Variants in ARID1A observed in about 807,000 individuals in gnomAD.
ARID1A encodes the protein AT-rich interactive domain-containing protein 1A.
ARID1A carries 20 observed loss-of-function variants against 212.6 expected under a neutral mutation model. The observed-to-expected ratio is 0.09, with a 90% confidence interval of 0.07 to 0.14. ARID1A has a LOEUF of 0.14. ARID1A is among the 10% of genes least tolerant of loss of function. The pLI, the probability that ARID1A is intolerant of heterozygous loss-of-function variation, is 1.00. For synonymous variants in ARID1A, 1,376 were observed against 1,222.1 expected (o/e 1.13, Z -2.63); for missense variants, 2,587 against 3,059.0 (o/e 0.85, Z 3.64).
chr1:26,703,067 A>G (rs1418034622), intron 1 of ARID1A, among the ~76,000 whole-genome samples: 1 of 152,198 alleles, frequency 6.6e-6, no homozygotes, highest in Non-Finnish European at 1.5e-5. Context: ...GCTGGGGATT[A>G]TAAGTCCACT....
rs755440526 is a variant in ARID1A, at chr1:26,729,868, A to G, written c.1350+5A>G. ...GGCCTCTCTTATACACAGCAGGTAG[A>G]TGGTGATTGTGATTACCTTGACCCT... On this transcript the variant is annotated splice_donor_5th_base_variant and intron_variant, in intron 2 of 19. Transcript: ENST00000324856. 8 of 1,612,170 alleles carry G rather than the reference A, an allele frequency of 5.0e-6. No homozygotes were observed. Among genetic ancestry groups the G allele is most frequent in the South Asian group, 1.1e-5 (1 of 91,032 alleles).
At chr1:26,746,879 A>G (rs1222919941) in intron 4 of ARID1A, among the ~76,000 whole-genome samples, 1 of 152,126 alleles carries the variant, frequency 6.6e-6, no homozygotes, top group African/African-American at 2.4e-5. Flanking sequence ...TAAATAATAT[A>G]AAAATAAGCT....
intron 1 of ARID1A, among the ~76,000 whole-genome samples, chr1:26,708,849 C>T (rs929464652): frequency 4.6e-5 from 7 of 151,938 alleles, no homozygotes; most frequent in African/African-American, 1.7e-4. Context: ...TGCCCGCCAC[C>T]ACGCCCGGCT....
Position 26,771,067 on chromosome 1 carries a change from C to T in ARID1A, c.3199-52C>T, listed in dbSNP as rs2124096311. 6.4e-7 allele frequency: 1 copy of T among 1,557,524 alleles called. No individual in the cohort carries two copies. Among genetic ancestry groups the T allele is most frequent in the Non-Finnish European group, 8.9e-7 (1 of 1,129,500 alleles). On this transcript the variant is annotated intron_variant, in intron 11 of 19. Coordinates refer to ENST00000324856, the MANE Select transcript of ARID1A (RefSeq NM_006015.6). The surrounding 1 kb of genome is among the most constrained non-coding windows in gnomAD (Gnocchi z 5.4). Reference sequence around the variant, plus strand: ...CCTGATGGGGCTTGGGGCTTATGGGCAGGAAAACCAGGCGGGAGATATACC... The same window carrying T: ...CCTGATGGGGCTTGGGGCTTATGGGTAGGAAAACCAGGCGGGAGATATACC...
At chr1:26,725,988 G>A (rs2080613048) in intron 1 of ARID1A, among the ~76,000 whole-genome samples, 1 of 151,390 alleles carries the variant, frequency 6.6e-6, no homozygotes, top group East Asian at 1.9e-4. Flanking sequence ...CTGAGTAGCT[G>A]GGATTAACAG....
At chr1:26,716,551 C>A (rs990676904) in intron 1 of ARID1A, among the ~76,000 whole-genome samples, 3 of 152,060 alleles carry the variant, frequency 2.0e-5, no homozygotes, top group Non-Finnish European at 4.4e-5. Flanking sequence ...CCTCTAGGGT[C>A]AAGTTTTATA....
Position 26,696,660 on chromosome 1 carries a change from G to C in ARID1A, c.257G>C (p.Gly86Ala). The C allele has an allele frequency of 7.6e-7, 1 of 1,318,842 alleles. No individual in the cohort carries two copies. The highest frequency in any genetic ancestry group is 9.6e-7 in the Non-Finnish European group (1 of 1,037,258). 81.7% of individuals were successfully genotyped at this position (1,318,842 alleles called of 1,614,324 possible). A position where few individuals can be genotyped will look rare whatever the true frequency, so the allele number is the denominator to read the frequency against. Reference protein sequence around the residue: ...GAESNGGGGGGGAGSGGGPGA... With the variant: ...GAESNGGGGGAGAGSGGGPGA... Reference sequence around the variant, plus strand: ...GAGAGCAATGGGGGTGGCGGCGGCGGCGGAGCCGGCAGCGGCGGCGGGCCC... The same window carrying C: ...GAGAGCAATGGGGGTGGCGGCGGCGCCGGAGCCGGCAGCGGCGGCGGGCCC... Residue 86 changes from glycine (G) to alanine (A), a missense_variant, in exon 1 of 20, where the codon GGC becomes GCC. Gly to Ala is a moderately conservative substitution (Grantham distance 60). Coordinates refer to ENST00000324856, the MANE Select transcript of ARID1A (RefSeq NM_006015.6).
At position 26,780,791 on chromosome 1, in the gene ARID1A, T is replaced by C. The variant is rs769273623; in HGVS notation, c.*35T>C. The C allele has an allele frequency of 2.7e-5, 41 of 1,527,982 alleles. No individual in the cohort carries two copies. The highest frequency in any genetic ancestry group is 3.2e-5 in the Non-Finnish European group (36 of 1,139,628). The allele number at this position is 1,527,982 out of a possible 1,614,324, so 94.7% of individuals were successfully genotyped here. On this transcript the variant is annotated 3_prime_UTR_variant, in exon 20 of 20. Coordinates refer to ENST00000324856, the MANE Select transcript of ARID1A (RefSeq NM_006015.6). This position sits in a 1 kb window ranked among gnomAD's most constrained non-coding sequence, Gnocchi z 7.2. ...GACACCTCCCCCCCCCGTGTGTGTG[T>C]GCGTGTGTGGAGAACTTAGAAACTG...
At chr1:26,751,182 G>C (rs1166450374) in intron 4 of ARID1A, among the ~76,000 whole-genome samples, 1 of 152,080 alleles carries the variant, frequency 6.6e-6, no homozygotes, top group East Asian at 1.9e-4. Flanking sequence ...TAGAACCTGG[G>C]AGGCGGAGAT....
chr1:26,721,294 C>T (rs1042533884), intron 1 of ARID1A, among the ~76,000 whole-genome samples: 5 of 152,152 alleles, frequency 3.3e-5, no homozygotes, highest in Admixed American at 1.3e-4. Flanking sequence ...TCACTGTGAC[C>T]TCCACCTCCC....
chr1:26,709,933 G>A (rs1316483821), intron 1 of ARID1A, among the ~76,000 whole-genome samples: 2 of 151,326 alleles, frequency 1.3e-5, no homozygotes, highest in Non-Finnish European at 2.9e-5. Flanking sequence ...CTGGGCTCAA[G>A]CAATTCTCCT....
At position 26,767,991 on chromosome 1, in the gene ARID1A, T is replaced by C. The variant is rs2124087861; in HGVS notation, c.3190T>C (p.Leu1064=). ...TGTGTCTGTGAAGGAGATTGGTGGA[T>C]TGACTCAGGTGAGTGGGCGCCTGAC... The part of the protein sequence containing the change: ...LYVSVKEIGG[L]TQVNKNKKWR... The change falls in exon 11 of 20, where the codon TTG becomes CTG. Residue 1064 remains leucine (L), a synonymous_variant. Transcript: ENST00000324856. 6.2e-7 allele frequency: 1 copy of C among 1,613,834 alleles called. No homozygotes were observed. Among genetic ancestry groups the C allele is most frequent in the Non-Finnish European group, 8.5e-7 (1 of 1,179,802 alleles).
intron 12 of ARID1A, 126 bp from the exon 13 acceptor site, chr1:26,772,374 G>C: frequency 7.3e-7 from 1 of 1,372,340 alleles, no homozygotes. Context: ...TGCTAAGAAG[G>C]GTGATCAGGC....
In ARID1A at chr1:26,774,742, C is replaced by T. The variant is rs2124120083; in HGVS notation, c.4515C>T (p.Thr1505=). 6.2e-7 allele frequency: 1 copy of T among 1,614,240 alleles called. No individual in the cohort carries two copies. Among genetic ancestry groups the T allele is most frequent in the Non-Finnish European group, 8.5e-7 (1 of 1,180,042 alleles). Reference sequence around the variant, plus strand: ...TGTGGCAGGGGCGTAATGACATGACCTATAATTATGCCAACAGGCAGAGCA... The same window carrying T: ...TGTGGCAGGGGCGTAATGACATGACTTATAATTATGCCAACAGGCAGAGCA... The part of the protein sequence containing the change: ...GTMWQGRNDM[T]YNYANRQSTG... The change falls in exon 18 of 20, where the codon ACC becomes ACT. Residue 1505 remains threonine, a synonymous_variant. Coordinates refer to ENST00000324856, the MANE Select transcript of ARID1A (RefSeq NM_006015.6). The surrounding 1 kb of genome is among the most constrained non-coding windows in gnomAD (Gnocchi z 5.6).
intron 4 of ARID1A, among the ~76,000 whole-genome samples, chr1:26,759,314 C>A (rs1476258721): frequency 6.6e-6 from 1 of 152,086 alleles, no homozygotes; most frequent in South Asian, 2.1e-4. Context: ...GTGATTCTCC[C>A]ACCTCAGCCT....
Position 26,731,442 on chromosome 1 carries a change from C to G in ARID1A, c.1641C>G (p.Ser547Arg). 1 of 1,613,926 alleles carries G rather than the reference C, an allele frequency of 6.2e-7. No individual in the cohort carries two copies. The highest frequency in any genetic ancestry group is 8.5e-7 in the Non-Finnish European group (1 of 1,179,970). Reference sequence around the variant, plus strand: ...CGACGACACAGCAGCACCCCCAGAGCCAGCCCCCCTACTCACAGCCACAGG... The same window carrying G: ...CGACGACACAGCAGCACCCCCAGAGGCAGCCCCCCTACTCACAGCCACAGG... Reference protein sequence around the residue: ...QQSTTQQHPQSQPPYSQPQAQ... With the variant: ...QQSTTQQHPQRQPPYSQPQAQ... Residue 547 changes from serine to arginine, a missense_variant, in exon 3 of 20, where the codon AGC becomes AGG. Ser to Arg is a moderately radical substitution (Grantham distance 110, BLOSUM62 -1). Coordinates refer to ENST00000324856, the MANE Select transcript of ARID1A (RefSeq NM_006015.6).
At chr1:26,715,155 TA>T (rs1289730732) in intron 1 of ARID1A, among the ~76,000 whole-genome samples, 2 of 152,198 alleles carry the variant, frequency 1.3e-5, no homozygotes, top group South Asian at 2.1e-4. Flanking sequence ...GTTTTGTGGC[TA>T]GGGGCAGTTT....
At position 26,771,844 on chromosome 1, in the gene ARID1A, G is replaced by A. The variant is rs1433359543; in HGVS notation, c.3406+518G>A. 2 of 166,876 alleles carry A rather than the reference G, an allele frequency of 1.2e-5. No homozygotes were observed. The highest frequency in any genetic ancestry group is 1.1e-4 in the Admixed American group (2 of 17,464). The allele number at this position is 166,876 out of a possible 1,614,324, so 10.3% of individuals were successfully genotyped here. A position where few individuals can be genotyped will look rare whatever the true frequency, so the allele number is the denominator to read the frequency against. Reference sequence around the variant, plus strand: ...GCCTAGGGTGAGCCTAGAGAGGGAAGAAGGCCAGGGTGCCTGGAAGGTGGG... The same window carrying A: ...GCCTAGGGTGAGCCTAGAGAGGGAAAAAGGCCAGGGTGCCTGGAAGGTGGG... On this transcript the variant is annotated intron_variant, in intron 12 of 19. Transcript: ENST00000324856. This position sits in a 1 kb window ranked among gnomAD's most constrained non-coding sequence, Gnocchi z 5.4.
In ARID1A at chr1:26,779,534, G is replaced by T. The variant is rs371595717; in HGVS notation, c.5636G>T (p.Arg1879Leu). 6.2e-7 allele frequency: 1 copy of T among 1,613,964 alleles called. No homozygotes were observed. Among genetic ancestry groups the T allele is most frequent in the South Asian group, 1.1e-5 (1 of 91,084 alleles). Residue 1879 changes from arginine to leucine, a missense_variant, in exon 20 of 20, where the codon CGG becomes CTG. Physicochemically the swap from Arg to Leu is moderately radical, Grantham distance 102. This residue lies in a region of ARID1A where 890 missense variants were observed against 1,098.2 expected (regional missense o/e 0.81). Transcript: ENST00000324856. The stretch of plus-strand genomic sequence containing the variant: ...CACGCACCCTGCCCACCAGCCCCTC[G>T]GAAGCATGTGACAACAGCAGAGGGT... ...RPHAPCPPAP[R>L]KHVTTAEGTP...
Sources: allele counts gnomAD v4.1 joint callset (sites outside exome capture counted in the v4.1 genomes callset), GRCh38; gene constraint gnomAD v4.1.1; regional missense constraint gnomAD v4.1.1; non-coding constraint Gnocchi (gnomAD v3.1); transcripts MANE v1.5; gene names NCBI Gene and HGNC (gene_info 2026-07-23, HGNC 2026-07-21).